Variants in COL4A5 observed in about 807,000 individuals in gnomAD.
COL4A5 encodes the protein collagen alpha-5(IV) chain.
In COL4A5, 26 loss-of-function variants were observed where a neutral mutation model predicts 130.2. The ratio of observed to expected loss-of-function variants is 0.20; its 90% CI spans 0.15 to 0.28. The LOEUF is 0.28. Among genes scored for constraint, COL4A5 ranks in the 10% least tolerant of loss-of-function variants. COL4A5 has a pLI of 1.00. For missense variants in COL4A5, 1,131 were observed against 1,344.3 expected, an observed-to-expected ratio of 0.84 and a Z score of 2.48; for synonymous variants, 496 against 439.6, an observed-to-expected ratio of 1.13 and a Z score of -1.60.
At chrX:108,596,530 G>A (rs1342355975) in intron 22 of COL4A5, among the ~76,000 whole-genome samples, 1 of 112,186 alleles carries the variant, frequency 8.9e-6, no homozygotes, top group Admixed American at 9.4e-5. Flanking sequence ...TCTAGTCTTT[G>A]GGCTGCAAAT....
chrX:108,576,151 G>T (rs1392834105), intron 10 of COL4A5, among the ~76,000 whole-genome samples, 179 bp downstream of exon 10: 2 of 110,846 alleles, frequency 1.8e-5, no homozygotes, highest in African/African-American at 3.3e-5. Context: ...CTAAGTAATG[G>T]CTCCATTTTA....
chrX:108,667,998 A>G (rs944475733), intron 40 of COL4A5, among the ~76,000 whole-genome samples: 2 of 111,656 alleles, frequency 1.8e-5, no homozygotes, highest in Admixed American at 9.5e-5. Flanking sequence ...TCTTGAAACT[A>G]TTTTTGAAGA....
At chrX:108,610,932 G>T (rs2066822619) in intron 29 of COL4A5, among the ~76,000 whole-genome samples, 1 of 111,471 alleles carries the variant, frequency 9.0e-6, no homozygotes. Flanking sequence ...CTCAAGGATT[G>T]CTCTCTACTG....
At chrX:108,598,336 C>A (rs1448551327) in intron 24 of COL4A5, among the ~76,000 whole-genome samples, 2 of 111,955 alleles carry the variant, frequency 1.8e-5, no homozygotes, top group Non-Finnish European at 3.8e-5. Flanking sequence ...CATAAATGAA[C>A]AATCTTATTT....
intron 35 of COL4A5, among the ~76,000 whole-genome samples, 166 bp from the exon 36 acceptor site, chrX:108,626,044 C>T (rs1206521778): frequency 8.9e-6 from 1 of 112,006 alleles, no homozygotes; most frequent in Non-Finnish European, 1.9e-5. Context: ...ATTTAAACTT[C>T]CTTTAAAAGT....
intron 36 of COL4A5, among the ~76,000 whole-genome samples, chrX:108,640,578 G>T (rs985539744): frequency 9.0e-6 from 1 of 111,519 alleles, no homozygotes; most frequent in Non-Finnish European, 1.9e-5. Flanking sequence ...ACTCGGTGAA[G>T]TGCTAGATGT....
At chrX:108,519,614 A>G (rs1348027719) in intron 1 of COL4A5, among the ~76,000 whole-genome samples, 1 of 111,533 alleles carries the variant, frequency 9.0e-6, no homozygotes, top group Non-Finnish European at 1.9e-5. Flanking sequence ...TATTTTGAAT[A>G]TGTACATATT....
chrX:108,599,407 A>G (rs896891288), intron 25 of COL4A5, among the ~76,000 whole-genome samples: 1 of 110,970 alleles, frequency 9.0e-6, no homozygotes, highest in Non-Finnish European at 1.9e-5. Context: ...TCGTGTGGCT[A>G]TAGTGTATTC....
chrX:108,452,782 T>G (rs1031365823), intron 1 of COL4A5, among the ~76,000 whole-genome samples: 14 of 111,947 alleles, frequency 1.3e-4, no homozygotes, highest in African/African-American at 4.6e-4. Flanking sequence ...CATGGACAGT[T>G]TGACTTCGTC....
chrX:108,480,160 A>G (rs990738905), intron 1 of COL4A5, among the ~76,000 whole-genome samples: 2 of 111,899 alleles, frequency 1.8e-5, no homozygotes, highest in African/African-American at 6.5e-5. Flanking sequence ...GGGCCTGAGT[A>G]ACTCACCCAA....
chrX:108,616,479 G>T (rs924826498), intron 30 of COL4A5, among the ~76,000 whole-genome samples: 1 of 110,629 alleles, frequency 9.0e-6, no homozygotes, highest in South Asian at 3.8e-4. Flanking sequence ...CAGGTGATTC[G>T]CCCGCCTCGG....
intron 42 of COL4A5, among the ~76,000 whole-genome samples, chrX:108,673,000 G>A (rs2068234427): frequency 8.9e-6 from 1 of 111,910 alleles, no homozygotes; most frequent in African/African-American, 3.2e-5. Context: ...AGTATCAAAT[G>A]CTTTGAAAGT....
In COL4A5 at chrX:108,622,734, T is replaced by C. The variant is rs2067081132; in HGVS notation, c.2826T>C (p.Ser942=). 1 of 1,210,895 alleles carries C rather than the reference T, an allele frequency of 8.3e-7. No individual in the cohort carries two copies. The highest frequency in any genetic ancestry group is 1.1e-6 in the Non-Finnish European group (1 of 894,825). ...CTGGCCCTACAGGAGAAAAAGGTAG[T>C]AAAGGAGAGCCTGGCCTTCCAGGCC... ...GLPGPTGEKG[S]KGEPGLPGPP... is the part of the protein sequence containing the mutation. Residue 942 remains serine, a synonymous_variant, in exon 33 of 53, where the codon AGT becomes AGC. Coordinates refer to ENST00000328300, the MANE Select transcript of COL4A5 (RefSeq NM_033380.3).
At chrX:108,666,701 A>G (rs1469362491) in intron 39 of COL4A5, 107 bp downstream of exon 39, 3 of 655,289 alleles carry the variant, frequency 4.6e-6, no homozygotes, top group Admixed American at 2.8e-5. Flanking sequence ...TTACTAAGCT[A>G]CCACACACTT....
chrX:108,616,479 G>A (rs924826498), intron 30 of COL4A5, among the ~76,000 whole-genome samples: 4 of 110,629 alleles, frequency 3.6e-5, no homozygotes, highest in Non-Finnish European at 7.6e-5. Context: ...CAGGTGATTC[G>A]CCCGCCTCGG....
intron 37 of COL4A5, among the ~76,000 whole-genome samples, 159 bp from the exon 38 acceptor site, chrX:108,665,348 A>G (rs2068054837): frequency 1.8e-5 from 2 of 112,405 alleles, no homozygotes; most frequent in South Asian, 7.3e-4. Flanking sequence ...TTAAAAACAT[A>G]AAATTATTAT....
intron 3 of COL4A5, among the ~76,000 whole-genome samples, chrX:108,561,361 G>A (rs1338252066): frequency 9.0e-6 from 1 of 111,484 alleles, no homozygotes; most frequent in East Asian, 2.8e-4. Context: ...TGGATCTGGA[G>A]GTAGTCTCAA....
chrX:108,456,745 A>C (rs1672679735), intron 1 of COL4A5, among the ~76,000 whole-genome samples: 1 of 112,200 alleles, frequency 8.9e-6, no homozygotes, highest in Non-Finnish European at 1.9e-5. Context: ...AATCTTTTTT[A>C]AAGTAATGAA....
At chrX:108,624,122 C>T in intron 33 of COL4A5, 114 bp from the exon 34 acceptor site, 1 of 581,603 alleles carries the variant, frequency 1.7e-6, no homozygotes, top group East Asian at 3.6e-5. Context: ...ATCAGAATAT[C>T]ACCAGTTCCT....
Sources: gnomAD v4.1 joint callset for allele counts (sites outside exome capture counted in the v4.1 genomes callset) on GRCh38, gnomAD v4.1.1 for gene constraint, MANE v1.5 for transcripts, NCBI Gene and HGNC (gene_info 2026-07-23, HGNC 2026-07-21) for gene names.